Variants in RAPGEF4 observed in about 807,000 individuals in gnomAD.
The protein encoded by RAPGEF4 is Rap guanine nucleotide exchange factor 4.
RAPGEF4 carries 66 observed loss-of-function variants against 147.9 expected under a neutral mutation model. The ratio of observed to expected loss-of-function variants is 0.45; its 90% CI spans 0.37 to 0.55. The LOEUF (loss-of-function observed/expected upper bound fraction) is 0.55, where lower values mean the gene tolerates loss of function less well. Among genes scored for constraint, RAPGEF4 ranks in the 20% least tolerant of loss-of-function variants. The pLI is 0.00. For synonymous variants in RAPGEF4, 419 were observed against 442.7 expected (o/e 0.95, Z 0.67); for missense variants, 1,071 against 1,257.3 (o/e 0.85, Z 2.24).
intron 3 of RAPGEF4, among the ~76,000 whole-genome samples, chr2:172,809,382 A>G (rs1260055957): frequency 6.6e-6 from 1 of 152,172 alleles, no homozygotes; most frequent in East Asian, 1.9e-4. Flanking sequence ...TCAAGACAGG[A>G]TACTGTCACT....
intron 10 of RAPGEF4, among the ~76,000 whole-genome samples, chr2:172,967,721 C>T (rs1297264431): frequency 2.0e-5 from 3 of 152,218 alleles, no homozygotes; most frequent in Admixed American, 2.0e-4. Context: ...TATTAAATGA[C>T]CTTTGGTCAA....
chr2:173,022,534 A>G (rs1011312327), intron 23 of RAPGEF4, among the ~76,000 whole-genome samples: 8 of 152,194 alleles, frequency 5.3e-5, no homozygotes, highest in African/African-American at 1.9e-4. Flanking sequence ...GGAGTCGCAC[A>G]GAGGATGACC....
In RAPGEF4 at chr2:173,017,184, G is replaced by T; in HGVS notation, c.1909G>T (p.Ala637Ser). 6.2e-7 allele frequency: 1 copy of T among 1,613,652 alleles called. No individual in the cohort carries two copies. Among genetic ancestry groups the T allele is most frequent in the African/African-American group, 1.3e-5 (1 of 75,048 alleles). Residue 637 changes from alanine (A) to serine (S), a missense_variant, in exon 20 of 31, where the codon GCA becomes TCA. Coordinates refer to ENST00000397081, the MANE Select transcript of RAPGEF4 (RefSeq NM_007023.4). ...CTCTACTTCTCGTAGCTCAGAAGAT[G>T]CAAAGGCACCACAAAAGAAGGTAGG... is the stretch of plus-strand genomic sequence containing the variant. ...EKIVKQISEDAKAPQKKHKVL... is the reference protein window; with the variant it reads ...EKIVKQISEDSKAPQKKHKVL...
At chr2:172,953,750 C>T (rs1688454109) in intron 6 of RAPGEF4, among the ~76,000 whole-genome samples, 2 of 152,140 alleles carry the variant, frequency 1.3e-5, no homozygotes, top group Admixed American at 1.3e-4. Context: ...GACTGGTGGT[C>T]CCAGCATTCG....
chr2:172,961,501 G>A (rs1400094446), intron 8 of RAPGEF4, among the ~76,000 whole-genome samples: 1 of 152,104 alleles, frequency 6.6e-6, no homozygotes, highest in African/African-American at 2.4e-5. Context: ...TTTTGCTAGT[G>A]ACTTTTAGGA....
chr2:172,918,086 G>A (rs1465844002), intron 5 of RAPGEF4: 2 of 714,236 alleles, frequency 2.8e-6, no homozygotes, highest in Non-Finnish European at 2.5e-6. Flanking sequence ...AGAGAGGTAT[G>A]CTCTGGTGCC....
chr2:172,940,332 T>C, intron 6 of RAPGEF4, among the ~76,000 whole-genome samples: 1 of 152,148 alleles, frequency 6.6e-6, no homozygotes, highest in Admixed American at 6.6e-5. Flanking sequence ...CTTGCCCAAA[T>C]CTCATGTTGA....
intron 10 of RAPGEF4, among the ~76,000 whole-genome samples, chr2:172,971,362 A>G (rs1690464525): frequency 6.6e-6 from 1 of 152,222 alleles, no homozygotes; most frequent in South Asian, 2.1e-4. Context: ...CTGTTTCCCA[A>G]ATCAAAATTT....
chr2:172,826,211 T>C (rs887432248), intron 4 of RAPGEF4, among the ~76,000 whole-genome samples: 1 of 152,234 alleles, frequency 6.6e-6, no homozygotes, highest in Non-Finnish European at 1.5e-5. Flanking sequence ...AGTGAAACCA[T>C]CCAGTAGAAT....
chr2:172,930,529 C>T (rs1392690541), intron 6 of RAPGEF4, among the ~76,000 whole-genome samples: 2 of 152,156 alleles, frequency 1.3e-5, no homozygotes, highest in African/African-American at 4.8e-5. Context: ...TGTTTGCCCC[C>T]CTCTTTTGAA....
intron 12 of RAPGEF4, among the ~76,000 whole-genome samples, chr2:172,987,448 C>T (rs1454401633): frequency 6.6e-6 from 1 of 152,170 alleles, no homozygotes; most frequent in East Asian, 1.9e-4. Context: ...TTTAAAAATA[C>T]AGTCAGTCCT....
intron 4 of RAPGEF4, among the ~76,000 whole-genome samples, chr2:172,866,980 C>G (rs965869155): frequency 1.8e-4 from 26 of 146,222 alleles, no homozygotes; most frequent in African/African-American, 6.1e-4. Flanking sequence ...TGAGACAGAG[C>G]CTTGCTGTCA....
rs1251751972 is a variant in RAPGEF4 at position 173,001,254 on chromosome 2, T to A, written c.1580-12T>A. ...GAACCTAATTTCCTTTTCTGTTTTTTTCCCCTTCCAGATTCTGTTTTAAAT... is the reference window on the plus strand; with the variant it reads ...GAACCTAATTTCCTTTTCTGTTTTTATCCCCTTCCAGATTCTGTTTTAAAT... On this transcript the variant is annotated splice_polypyrimidine_tract_variant and intron_variant, in intron 16 of 30. Coordinates refer to ENST00000397081, the MANE Select transcript of RAPGEF4 (RefSeq NM_007023.4). 1.2e-6 allele frequency: 2 copies of A among 1,613,448 alleles called. No individual in the cohort carries two copies. Among genetic ancestry groups the A allele is most frequent in the Non-Finnish European group, 8.5e-7 (1 of 1,179,852 alleles).
At chr2:172,966,583 A>T (rs1689864699) in intron 9 of RAPGEF4, among the ~76,000 whole-genome samples, 1 of 152,202 alleles carries the variant, frequency 6.6e-6, no homozygotes, top group Non-Finnish European at 1.5e-5. Context: ...GCTGTAAGAC[A>T]TGTACATGAG....
At chr2:172,991,053 T>C in intron 15 of RAPGEF4, 128 bp downstream of exon 15, 1 of 678,236 alleles carries the variant, frequency 1.5e-6, no homozygotes, top group Non-Finnish European at 2.6e-6. Context: ...TTTTCCTCTC[T>C]ATTGACTAAT....
intron 4 of RAPGEF4, among the ~76,000 whole-genome samples, chr2:172,861,180 C>T (rs905944263): frequency 1.3e-5 from 2 of 152,134 alleles, no homozygotes; most frequent in African/African-American, 2.4e-5. Flanking sequence ...GCCGGCTCAC[C>T]GAGAAGATTG....
intron 4 of RAPGEF4, among the ~76,000 whole-genome samples, chr2:172,903,538 C>T (rs1048127990): frequency 8.3e-6 from 1 of 120,410 alleles, no homozygotes; most frequent in Non-Finnish European, 1.8e-5. Flanking sequence ...AACTCCATCT[C>T]AAAAAAAAAA....
intron 17 of RAPGEF4, among the ~76,000 whole-genome samples, chr2:173,002,010 A>AAAAAAAAAAAAAAAAAAAAAC (rs1693980393): frequency 2.6e-5 from 4 of 150,954 alleles, no homozygotes; most frequent in Admixed American, 6.6e-5. Flanking sequence ...AAAAAAAAAA[A>AAAAAAAAAAAAAAAAAAAAAC]AAAAATCCAT....
At chr2:172,792,809 G>A (rs915549095) in intron 1 of RAPGEF4, among the ~76,000 whole-genome samples, 3 of 152,144 alleles carry the variant, frequency 2.0e-5, no homozygotes, top group Non-Finnish European at 2.9e-5. Flanking sequence ...ATTAGTCTGG[G>A]TAATGCTGGG....
Sources: allele counts gnomAD v4.1 joint callset (sites outside exome capture counted in the v4.1 genomes callset), GRCh38; gene constraint gnomAD v4.1.1; transcripts MANE v1.5; gene names NCBI Gene and HGNC (gene_info 2026-07-23, HGNC 2026-07-21).